Variants in YME1L1 observed in about 807,000 individuals in gnomAD.
The protein encoded by YME1L1 is YME1 like 1 ATPase.
Under a neutral mutation model 90.4 loss-of-function variants are expected in YME1L1, and 39 were observed. The observed-to-expected ratio is 0.43, with a 90% CI of 0.33 to 0.56. The LOEUF is 0.56. YME1L1 is among the 20% of genes least tolerant of loss of function. The probability of loss-of-function intolerance (pLI) is 0.03; values close to 1 mark genes in which losing one functional copy is unlikely to be tolerated. For synonymous variants in YME1L1, 284 were observed against 287.3 expected (o/e 0.99, Z 0.12); for missense variants, 617 against 868.4 (o/e 0.71, Z 3.64).
rs943800516 is a variant in YME1L1, at chr10:27,143,026, T to C, written c.332-541A>G. Among the ~76,000 whole-genome samples the C allele has an allele frequency of 8.6e-5, 13 of 151,678 alleles. No homozygotes were observed. The East Asian group carries it at 2.4e-3, about 28-fold the overall frequency. ...GCCACTGTGCCCAGCCTACATTATC[T>C]TTTTTATCTGGCATACAAATGTAGC... On this transcript the variant is annotated intron_variant, in intron 3 of 18. Coordinates refer to ENST00000376016, the MANE Select transcript of YME1L1 (RefSeq NM_014263.4).
chr10:27,129,484 A>G (rs2056955847), intron 8 of YME1L1: 1 of 152,238 alleles, frequency 6.6e-6, no homozygotes. Context: ...TAAGTAAAGA[A>G]GAAAAGCAGA....
rs147243198 is a variant in YME1L1 at position 27,136,379 on chromosome 10, A to G, written c.437T>C (p.Ile146Thr). Residue 146 changes from isoleucine (I) to threonine (T), a missense_variant, in exon 5 of 19, where the codon ATA becomes ACA. Physicochemically the swap from Ile to Thr is moderately conservative, Grantham distance 89 (BLOSUM62 -1). This residue lies in a region of YME1L1 where 311 missense variants were observed against 335.8 expected (regional missense o/e 0.93). Coordinates refer to ENST00000376016, the MANE Select transcript of YME1L1 (RefSeq NM_014263.4). Reference sequence around the variant, plus strand: ...CAAAGTTTTAAAACCCCGAGACTGTATGAAAACTAAATAAAACAATACCAT... The same window carrying G: ...CAAAGTTTTAAAACCCCGAGACTGTGTGAAAACTAAATAAAACAATACCAT... ...CSDLQYWPVF[I>T]QSRGFKTLKS... The G allele has an allele frequency of 9.4e-4, 1,516 of 1,610,582 alleles. 10 individuals carry two copies. The African/African-American group carries it at 0.017, about 18-fold the overall frequency.
intron 2 of YME1L1, chr10:27,147,296 T>C: frequency 3.5e-6 from 3 of 859,058 alleles, no homozygotes; most frequent in Non-Finnish European, 5.3e-6. Context: ...GAGTTCGAGA[T>C]CAGCCTGGTG....
At chr10:27,151,731 A>C (rs535673371) in intron 1 of YME1L1, among the ~76,000 whole-genome samples, 1 of 152,220 alleles carries the variant, frequency 6.6e-6, no homozygotes, top group South Asian at 2.1e-4. Flanking sequence ...AATACAAAAA[A>C]TTAGCCGGGC....
rs555235484 is a variant in YME1L1, at chr10:27,151,741, C to A, written c.33+2437G>T. ...CTAAAAATACAAAAAATTAGCCGGG[C>A]GTGGTGGCGGGCGCCTGTGGTCCCA... On this transcript the variant is annotated intron_variant, in intron 1 of 18. Coordinates refer to ENST00000376016, the MANE Select transcript of YME1L1 (RefSeq NM_014263.4). Among the ~76,000 whole-genome samples, 4 of 152,088 alleles carry A rather than the reference C, an allele frequency of 2.6e-5. No homozygotes were observed. The South Asian group carries it at 8.3e-4, about 32-fold the overall frequency.
intron 4 of YME1L1, among the ~76,000 whole-genome samples, chr10:27,138,626 A>G (rs539324667): frequency 7.2e-5 from 11 of 152,254 alleles, no homozygotes; most frequent in South Asian, 2.1e-4. Context: ...TAAGAAAGCT[A>G]TTGATTTTTA....
rs1004541078 is a variant in YME1L1 at position 27,116,035 on chromosome 10, G to A, written c.1920+25C>T. ...ACACTTGACACATAATTTGATACAT[G>A]AAAAGGATTTAAAAAATCTATTACC... On this transcript the variant is annotated intron_variant, in intron 17 of 18. Coordinates refer to ENST00000376016, the MANE Select transcript of YME1L1 (RefSeq NM_014263.4). 10 of 1,591,646 alleles carry A rather than the reference G, an allele frequency of 6.3e-6. No individual in the cohort carries two copies. The African/African-American group carries it at 1.3e-4, about 21-fold the overall frequency.
At chr10:27,132,067 A>G in intron 7 of YME1L1, 126 bp from the exon 8 acceptor site, 1 of 666,348 alleles carries the variant, frequency 1.5e-6, no homozygotes, top group Non-Finnish European at 2.5e-6. Flanking sequence ...TTCACATATC[A>G]AATCAGAGTG....
chr10:27,129,960 A>G (rs895633718), intron 8 of YME1L1, among the ~76,000 whole-genome samples: 3 of 152,118 alleles, frequency 2.0e-5, no homozygotes, highest in Non-Finnish European at 4.4e-5. Context: ...TTCCAACTTT[A>G]TTTTGTATTA....
chr10:27,142,281 T>C (rs2057096585), intron 4 of YME1L1, 106 bp downstream of exon 4: 2 of 635,662 alleles, frequency 3.1e-6, no homozygotes, highest in African/African-American at 1.9e-5. Flanking sequence ...CTTTAGGTCC[T>C]GTGAATTGCA....
At chr10:27,130,750 G>C (rs1250427404) in intron 8 of YME1L1, among the ~76,000 whole-genome samples, 1 of 152,250 alleles carries the variant, frequency 6.6e-6, no homozygotes, top group African/African-American at 2.4e-5. Context: ...CTACTCTGGA[G>C]GCTGAGGCAG....
At chr10:27,114,860 C>T (rs1203351537) in intron 17 of YME1L1, among the ~76,000 whole-genome samples, 1 of 152,022 alleles carries the variant, frequency 6.6e-6, no homozygotes, top group Non-Finnish European at 1.5e-5. Flanking sequence ...AACGCCATTT[C>T]TTCTAAAAAC....
chr10:27,114,376 C>T, intron 18 of YME1L1, 145 bp downstream of exon 18: 1 of 591,374 alleles, frequency 1.7e-6, no homozygotes, highest in African/African-American at 1.9e-5. Context: ...TAATTTTTTC[C>T]CCAGACACCA....
Position 27,111,837 on chromosome 10 carries a change from G to T in YME1L1, c.*140C>A. ...AGAATAACCCAAACTGGATAAATGT[G>T]ACAAATGATTGACAAAGCATTTCAC... On this transcript the variant is annotated 3_prime_UTR_variant, in exon 19 of 19. Transcript: ENST00000376016. 1 of 1,135,338 alleles carries T rather than the reference G, an allele frequency of 8.8e-7. No homozygotes were observed. Among genetic ancestry groups the T allele is most frequent in the Non-Finnish European group, 1.3e-6 (1 of 758,794 alleles). The allele number at this position is 1,135,338 out of a possible 1,614,324, so 70.3% of individuals were successfully genotyped here.
At chr10:27,136,523 G>T in intron 4 of YME1L1, 138 bp from the exon 5 acceptor site, 1 of 704,458 alleles carries the variant, frequency 1.4e-6, no homozygotes, top group Non-Finnish European at 2.3e-6. Context: ...GTTTTCCTTT[G>T]TTTCCTTCTT....
chr10:27,123,651 C>T lies in YME1L1; in HGVS notation c.998G>A (p.Arg333Gln), dbSNP rs931137580. ...AACATCAGCTTCTCCCGCCACAGCT[C>T]GGGCAAGAAGTGTCTTTCCAGTCCC... is the stretch of plus-strand genomic sequence containing the variant. The part of the protein sequence containing the change: ...PPGTGKTLLA[R>Q]AVAGEADVPF... The change falls in exon 10 of 19, where the codon CGA (arginine) becomes CAA (glutamine). Residue 333 changes from arginine (R) to glutamine (Q), a missense_variant. Arg to Gln is a conservative substitution (Grantham distance 43). Around this residue, in one of 4 missense-constraint regions of YME1L1, gnomAD observed 93 missense variants for 184.8 expected, o/e 0.50. Coordinates refer to ENST00000376016, the MANE Select transcript of YME1L1 (RefSeq NM_014263.4). 3.1e-5 allele frequency: 50 copies of T among 1,613,590 alleles called. No homozygotes were observed. Among genetic ancestry groups the T allele is most frequent in the Middle Eastern group, 3.3e-4 (2 of 6,082 alleles).
At chr10:27,119,547 G>T in intron 13 of YME1L1, 98 bp from the exon 14 acceptor site, 1 of 1,340,614 alleles carries the variant, frequency 7.5e-7, no homozygotes, top group Non-Finnish European at 1.0e-6. Flanking sequence ...GTTGGCTCAT[G>T]CCTGTAATCC....
Position 27,134,060 on chromosome 10 carries a change from G to A in YME1L1, c.754C>T (p.Leu252=), listed in dbSNP as rs148729223. 476 of 1,612,942 alleles carry A rather than the reference G, an allele frequency of 3.0e-4. No individual in the cohort carries two copies. The highest frequency in any genetic ancestry group is 3.4e-4 in the Non-Finnish European group (406 of 1,179,716). ...TTACCAGATAAAAATGGGTTTTTTA[G>A]AAGTCCATAAATGCCGAATAGCAGC... The part of the protein sequence containing the change: ...VLLLFGIYGL[L]KNPFLSVRFR... The change falls in exon 7 of 19, where the codon CTA becomes TTA. Residue 252 remains leucine (L), a synonymous_variant. Coordinates refer to ENST00000376016, the MANE Select transcript of YME1L1 (RefSeq NM_014263.4).
At chr10:27,123,448 T>TA (rs1360332078) in intron 10 of YME1L1, 99 bp downstream of exon 10, 4 of 1,395,530 alleles carry the variant, frequency 2.9e-6, no homozygotes, top group East Asian at 5.0e-5. Flanking sequence ...AAATAGAAAT[T>TA]AAAAAAAGGA....
Sources: allele counts gnomAD v4.1 joint callset (sites outside exome capture counted in the v4.1 genomes callset), GRCh38; gene constraint gnomAD v4.1.1; regional missense constraint gnomAD v4.1.1; transcripts MANE v1.5; gene names NCBI Gene and HGNC (gene_info 2026-07-23, HGNC 2026-07-21).